MAPK8IP1: variants seen among roughly 807,000 people sequenced by gnomAD.
MAPK8IP1 encodes C-Jun-amino-terminal kinase-interacting protein 1.
MAPK8IP1 carries 17 observed loss-of-function variants against 72.6 expected under a neutral mutation model. The ratio of observed to expected loss-of-function variants is 0.23; its 90% CI spans 0.16 to 0.35. The LOEUF (loss-of-function observed/expected upper bound fraction) is 0.35. MAPK8IP1 is among the 10% of genes least tolerant of loss of function. MAPK8IP1 has a pLI of 1.00. For missense variants in MAPK8IP1, 789 were observed against 1,009.7 expected (o/e 0.78, Z 2.96); for synonymous variants, 401 against 443.4 (o/e 0.90, Z 1.20).
At chr11:45,899,948 C>G (rs575558737) in intron 2 of MAPK8IP1, among the ~76,000 whole-genome samples, 190 bp from the exon 3 acceptor site, 2 of 152,216 alleles carry the variant, frequency 1.3e-5, no homozygotes, top group East Asian at 3.9e-4. Context: ...ACGGCTGGAT[C>G]GGGGAGGCGG....
chr11:45,905,263 C>G lies in MAPK8IP1; in HGVS notation c.2063+14C>G. 6.2e-7 allele frequency: 1 copy of G among 1,605,004 alleles called. No homozygotes were observed. On this transcript the variant is annotated intron_variant, in intron 11 of 11. Coordinates refer to ENST00000241014, the MANE Select transcript of MAPK8IP1 (RefSeq NM_005456.4). ...AGAGTCCGTGGGGTACGTGTACACC[C>G]TGCTGAGCACCCAGCCCGAGGGAGC... is the stretch of plus-strand genomic sequence containing the variant.
chr11:45,905,070 A>C (rs1185475634), intron 10 of MAPK8IP1, 29 bp downstream of exon 10: 3 of 1,613,486 alleles, frequency 1.9e-6, no homozygotes, highest in East Asian at 2.2e-5. Flanking sequence ...GCAGTGGAGG[A>C]GGCACGGGTG....
intron 1 of MAPK8IP1, chr11:45,896,721 C>G (rs2086608898): frequency 6.9e-7 from 1 of 1,441,584 alleles, no homozygotes; most frequent in South Asian, 1.5e-5. Context: ...TTTTAATGAG[C>G]TCCCCAGGCT....
Position 45,903,392 on chromosome 11 carries a change from GCAT to G in MAPK8IP1, c.1451_1453del (p.Ile484del). The G allele has an allele frequency of 1.9e-6, 3 of 1,613,690 alleles. No homozygotes were observed. The highest frequency in any genetic ancestry group is 2.5e-6 in the Non-Finnish European group (3 of 1,180,014). On this transcript the variant is annotated inframe_deletion, in exon 6 of 12. Transcript: ENST00000241014. This position sits in a 1 kb window ranked among gnomAD's most constrained non-coding sequence, Gnocchi z 6.4. ...GCTGAGTCCTTCGGGCTGTTCTCCT[GCAT>G]CATCAACGGGGAGGAGCAGGAGCAG...
intron 1 of MAPK8IP1, chr11:45,896,425 A>T: frequency 1.5e-6 from 1 of 686,314 alleles, no homozygotes; most frequent in Non-Finnish European, 1.8e-6. Context: ...AAAGCCAACC[A>T]AGGGCTGGCT....
rs572233757 is a variant in MAPK8IP1, at chr11:45,903,170, G to A, written c.1403G>A (p.Arg468His). 37 of 1,601,520 alleles carry A rather than the reference G, an allele frequency of 2.3e-5. No homozygotes were observed. Among genetic ancestry groups the A allele is most frequent in the Admixed American group, 1.5e-4 (9 of 59,754 alleles). ...KKFLNVFMSG[R>H]SRSSSAESFG... Reference sequence around the variant, plus strand: ...TTCCTGAACGTCTTCATGAGTGGCCGCTCCCGCTCCTCCAGTGAGTCAGCA... The same window carrying A: ...TTCCTGAACGTCTTCATGAGTGGCCACTCCCGCTCCTCCAGTGAGTCAGCA... Residue 468 changes from arginine to histidine, a missense_variant, in exon 5 of 12, where the codon CGC becomes CAC. Arg to His is a conservative substitution (Grantham distance 29, BLOSUM62 0). This residue lies in a region of MAPK8IP1 where 377 missense variants were observed against 411.7 expected (regional missense o/e 0.92). Transcript: ENST00000241014. The surrounding 1 kb of genome is among the most constrained non-coding windows in gnomAD (Gnocchi z 6.4).
intron 1 of MAPK8IP1, among the ~76,000 whole-genome samples, chr11:45,893,545 A>T (rs2086581843): frequency 6.6e-6 from 1 of 152,196 alleles, no homozygotes; most frequent in Non-Finnish European, 1.5e-5. Context: ...GAGCCACCAA[A>T]CGTTAATATG....
At chr11:45,887,036 G>T (rs748912337) in intron 1 of MAPK8IP1, among the ~76,000 whole-genome samples, 2 of 152,172 alleles carry the variant, frequency 1.3e-5, no homozygotes, top group Admixed American at 1.3e-4. Flanking sequence ...GGGGCCAGAT[G>T]GAGGAGGCCA....
At chr11:45,901,903 G>T (rs946821190) in intron 3 of MAPK8IP1, 77 bp from the exon 4 acceptor site, 5 of 1,102,746 alleles carry the variant, frequency 4.5e-6, no homozygotes, top group Non-Finnish European at 7.0e-6. Context: ...GATGGCCTGA[G>T]GGGGCAGGGC....
rs769148034 is a variant in MAPK8IP1, at chr11:45,898,177, C to A, written c.194C>A (p.Thr65Asn). 4 of 1,612,886 alleles carry A rather than the reference C, an allele frequency of 2.5e-6. No individual in the cohort carries two copies. The East Asian group carries it at 6.7e-5, about 27-fold the overall frequency. Residue 65 changes from threonine to asparagine, a missense_variant, in exon 2 of 12, where the codon ACC (threonine) becomes AAC (asparagine). By Grantham distance (65) the Thr-to-Asn change is moderately conservative. Around this residue, in one of 4 missense-constraint regions of MAPK8IP1, gnomAD observed 112 missense variants for 111.8 expected, o/e 1.00. Transcript: ENST00000241014. ...ECGISLQCKDTLSLRPPRAGL... is the reference protein window; with the variant it reads ...ECGISLQCKDNLSLRPPRAGL... ...GGCATCAGCTTACAGTGCAAAGACA[C>A]CCTGTCCTTACGGGTAAGGGCAAGC...
At chr11:45,896,526 A>AG (rs1248123071) in intron 1 of MAPK8IP1, 52 of 1,086,882 alleles carry the variant, frequency 4.8e-5, no homozygotes, top group Non-Finnish European at 5.8e-5. Context: ...GGGCATTGGA[A>AG]GGGCAGGTGG....
chr11:45,898,404 G>A (rs553074089), intron 2 of MAPK8IP1, among the ~76,000 whole-genome samples: 7 of 152,164 alleles, frequency 4.6e-5, no homozygotes, highest in South Asian at 4.2e-4. Flanking sequence ...TACTGCTGTC[G>A]GGGACTAAGA....
rs536131812 is a variant in MAPK8IP1, at chr11:45,892,836, C to T, written c.102-5249C>T. ...ACCAGATTTGTAATTCAGAGGTCAG[C>T]TTTGCTGTCATTACCTGGTGGAGAG... On this transcript the variant is annotated intron_variant, in intron 1 of 11. Coordinates refer to ENST00000241014, the MANE Select transcript of MAPK8IP1 (RefSeq NM_005456.4). Among the ~76,000 whole-genome samples, 5 of 152,340 alleles carry T rather than the reference C, an allele frequency of 3.3e-5. No individual in the cohort carries two copies. The South Asian group carries it at 1.0e-3, about 32-fold the overall frequency.
Position 45,902,333 on chromosome 11 carries a change from G to A in MAPK8IP1, c.605-39G>A. 7 of 1,489,664 alleles carry A rather than the reference G, an allele frequency of 4.7e-6. No individual in the cohort carries two copies. In the South Asian group the frequency reaches 6.0e-5, roughly 13 times the overall value. 92.3% of individuals were successfully genotyped at this position (1,489,664 alleles called of 1,614,324 possible). A position where few individuals can be genotyped will look rare whatever the true frequency, so the allele number is the denominator to read the frequency against. ...GGCAGGTGCAGGTAGCTGGGAGTTG[G>A]GAGAGAGCCCCTGCCTTCATGACCT... is the stretch of plus-strand genomic sequence containing the variant. On this transcript the variant is annotated intron_variant, in intron 4 of 11. Coordinates refer to ENST00000241014, the MANE Select transcript of MAPK8IP1 (RefSeq NM_005456.4). The surrounding 1 kb of genome is among the most constrained non-coding windows in gnomAD (Gnocchi z 9.3).
In MAPK8IP1 at chr11:45,902,774, T is replaced by G. The variant is rs1590787769; in HGVS notation, c.1007T>G (p.Phe336Cys). ...HPSISEEEEG[F>C]DCLSSPERAE... ...TCCATCAGTGAAGAGGAAGAGGGCT[T>G]CGACTGCCTGTCGTCCCCAGAGCGG... Residue 336 changes from phenylalanine (F) to cysteine (C), a missense_variant, in exon 5 of 12, where the codon TTC (phenylalanine) becomes TGC (cysteine). Around this residue, in one of 4 missense-constraint regions of MAPK8IP1, gnomAD observed 377 missense variants for 411.7 expected, o/e 0.92. Coordinates refer to ENST00000241014, the MANE Select transcript of MAPK8IP1 (RefSeq NM_005456.4). The surrounding 1 kb of genome is among the most constrained non-coding windows in gnomAD (Gnocchi z 9.3). The G allele has an allele frequency of 6.3e-7, 1 of 1,597,862 alleles. No homozygotes were observed. Among genetic ancestry groups the G allele is most frequent in the Non-Finnish European group, 8.5e-7 (1 of 1,175,802 alleles).
At chr11:45,901,911 G>A (rs1193311158) in intron 3 of MAPK8IP1, 69 bp from the exon 4 acceptor site, 3 of 1,236,450 alleles carry the variant, frequency 2.4e-6, no homozygotes, top group African/African-American at 3.0e-5. Context: ...GAGGGGGCAG[G>A]GCCGGGGCCT....
In MAPK8IP1 at chr11:45,902,424, C is replaced by A. The variant is rs140363852; in HGVS notation, c.657C>A (p.Pro219=). Residue 219 remains proline, a synonymous_variant, in exon 5 of 12, where the codon CCC becomes CCA. Coordinates refer to ENST00000241014, the MANE Select transcript of MAPK8IP1 (RefSeq NM_005456.4). This position sits in a 1 kb window ranked among gnomAD's most constrained non-coding sequence, Gnocchi z 9.3. ...TCTGCCTGAGCGATGAGCTGCCCCCCCAGAGCGGCCCCGCCCCCACCACAG... is the reference window on the plus strand; with the variant it reads ...TCTGCCTGAGCGATGAGCTGCCCCCACAGAGCGGCCCCGCCCCCACCACAG... ...EHICLSDELP[P]QSGPAPTTDR... 1.6e-5 allele frequency: 26 copies of A among 1,585,562 alleles called. No homozygotes were observed. Among genetic ancestry groups the A allele is most frequent in the Middle Eastern group, 1.7e-4 (1 of 6,042 alleles).
At chr11:45,892,956 G>A (rs766655249) in intron 1 of MAPK8IP1, among the ~76,000 whole-genome samples, 2 of 152,190 alleles carry the variant, frequency 1.3e-5, no homozygotes, top group Admixed American at 6.5e-5. Context: ...AGCCAGCTTC[G>A]TTCTCAGCAC....
rs1387972418 is a variant in MAPK8IP1, at chr11:45,903,246, C to T, written c.1417+62C>T. On this transcript the variant is annotated intron_variant, in intron 5 of 11. Transcript: ENST00000241014. This position sits in a 1 kb window ranked among gnomAD's most constrained non-coding sequence, Gnocchi z 6.4. ...CCCTAGCGGGGGCAGAGCCAAAATG[C>T]GAAGTGTTCTGGGAGGCGACCCCAG... 8 of 1,584,074 alleles carry T rather than the reference C, an allele frequency of 5.1e-6. No individual in the cohort carries two copies. Among genetic ancestry groups the T allele is most frequent in the South Asian group, 2.2e-5 (2 of 89,934 alleles).
Sources: allele counts gnomAD v4.1 joint callset (sites outside exome capture counted in the v4.1 genomes callset), GRCh38; gene constraint gnomAD v4.1.1; regional missense constraint gnomAD v4.1.1; non-coding constraint Gnocchi (gnomAD v3.1); transcripts MANE v1.5; gene names NCBI Gene and HGNC (gene_info 2026-07-23, HGNC 2026-07-21).